The following SUFU variants were observed in gnomAD, a reference collection of about 807,000 sequenced individuals.
SUFU encodes the protein suppressor of fused homolog.
Under a neutral mutation model 58.9 loss-of-function variants are expected in SUFU, and 7 were observed. The observed-to-expected ratio is 0.12, with a 90% CI of 0.07 to 0.22. The LOEUF (loss-of-function observed/expected upper bound fraction) is 0.22, where lower values mean the gene tolerates loss of function less well. SUFU is among the 10% of genes least tolerant of loss of function. The probability of loss-of-function intolerance (pLI) is 1.00; values close to 1 mark genes in which losing one functional copy is unlikely to be tolerated. For synonymous variants in SUFU, 232 were observed against 254.8 expected, an observed-to-expected ratio of 0.91 and a Z score of 0.85; for missense variants, 451 against 641.3, an observed-to-expected ratio of 0.70 and a Z score of 3.20.
chr10:102,586,876 GC>G (rs1288126625), intron 3 of SUFU, among the ~76,000 whole-genome samples: 6 of 152,188 alleles, frequency 3.9e-5, no homozygotes, highest in Non-Finnish European at 7.4e-5. Flanking sequence ...TTCTCCCCCA[GC>G]CTCTGACAAC....
At chr10:102,620,051 G>A (rs763323977) in intron 10 of SUFU, among the ~76,000 whole-genome samples, 53 of 152,244 alleles carry the variant, frequency 3.5e-4, no homozygotes, top group Non-Finnish European at 6.8e-4. Flanking sequence ...CCTATTGGAG[G>A]CAGAGGAGTA....
At chr10:102,589,772 C>G (rs973325840) in intron 3 of SUFU, among the ~76,000 whole-genome samples, 3 of 151,956 alleles carry the variant, frequency 2.0e-5, no homozygotes, top group African/African-American at 4.8e-5. Context: ...TTTTTCTTGC[C>G]TAATTGTCCT....
At chr10:102,518,966 C>T (rs1418000948) in intron 2 of SUFU, among the ~76,000 whole-genome samples, 4 of 150,936 alleles carry the variant, frequency 2.7e-5, no homozygotes, top group East Asian at 2.0e-4. Context: ...CCTGAAACCC[C>T]GTCTCTACTA....
intron 2 of SUFU, among the ~76,000 whole-genome samples, chr10:102,544,070 G>C (rs1365321810): frequency 6.6e-6 from 1 of 152,128 alleles, no homozygotes; most frequent in Non-Finnish European, 1.5e-5. Context: ...CTATACTCCA[G>C]CCTGGGCAGC....
intron 2 of SUFU, among the ~76,000 whole-genome samples, chr10:102,534,570 C>G (rs1564669245): frequency 6.6e-6 from 1 of 152,250 alleles, no homozygotes. Flanking sequence ...CCTCCCTTCG[C>G]CAGACTGTCG....
chr10:102,564,667 T>A (rs1240683459), intron 3 of SUFU, among the ~76,000 whole-genome samples: 1 of 152,196 alleles, frequency 6.6e-6, no homozygotes, highest in African/African-American at 2.4e-5. Context: ...CTAAGCTGCC[T>A]ATTGCCCCAG....
At chr10:102,519,096 C>T (rs535965979) in intron 2 of SUFU, among the ~76,000 whole-genome samples, 103 of 141,608 alleles carry the variant, frequency 7.3e-4, no homozygotes, top group Middle Eastern at 4.3e-3. Flanking sequence ...AGTGGAGATG[C>T]GCCACTGCAC....
chr10:102,588,172 G>A (rs947217131), intron 3 of SUFU, among the ~76,000 whole-genome samples: 8 of 152,054 alleles, frequency 5.3e-5, no homozygotes, highest in Non-Finnish European at 1.0e-4. Context: ...CGAGGCACGC[G>A]GATCACGAGG....
At chr10:102,506,386 CTTTT>C (rs574532660) in intron 1 of SUFU, among the ~76,000 whole-genome samples, 1 of 149,346 alleles carries the variant, frequency 6.7e-6, no homozygotes, top group Non-Finnish European at 1.5e-5. Context: ...CTGGTACTTT[CTTTT>C]TTTTTTGAGA....
Position 102,617,533 on chromosome 10 carries a change from T to G in SUFU, c.1296+105T>G. On this transcript the variant is annotated intron_variant, in intron 10 of 11. Transcript: ENST00000369902. The surrounding 1 kb of genome is among the most constrained non-coding windows in gnomAD (Gnocchi z 4.4). ...TTGATGGCACCCCTTCCTGGGGGGC[T>G]GGTCATGAATGCCTCATGGATTCAG... 1 of 1,499,936 alleles carries G rather than the reference T, an allele frequency of 6.7e-7. No homozygotes were observed. Among genetic ancestry groups the G allele is most frequent in the Non-Finnish European group, 9.3e-7 (1 of 1,080,254 alleles). The allele number at this position is 1,499,936 out of a possible 1,614,324, so 92.9% of individuals were successfully genotyped here. A position where few individuals can be genotyped will look rare whatever the true frequency, so the allele number is the denominator to read the frequency against.
chr10:102,554,056 T>C (rs1413772948), intron 3 of SUFU, among the ~76,000 whole-genome samples: 1 of 152,086 alleles, frequency 6.6e-6, no homozygotes, highest in Non-Finnish European at 1.5e-5. Flanking sequence ...GATTGCACCA[T>C]TGCACTCCAG....
At chr10:102,598,904 A>C (rs1371418792) in intron 7 of SUFU, among the ~76,000 whole-genome samples, 1 of 152,166 alleles carries the variant, frequency 6.6e-6, no homozygotes, top group African/African-American at 2.4e-5. Context: ...ATGGAGAGGC[A>C]GAGTTTCCTG....
At chr10:102,518,504 A>T (rs954758195) in intron 2 of SUFU, among the ~76,000 whole-genome samples, 16 of 136,818 alleles carry the variant, frequency 1.2e-4, no homozygotes, top group South Asian at 4.6e-4. Context: ...TATCTATCTA[A>T]CTGTCTGTCT....
intron 2 of SUFU, among the ~76,000 whole-genome samples, chr10:102,519,236 C>T (rs2062516235): frequency 6.7e-6 from 1 of 149,846 alleles, no homozygotes. Context: ...CAAGACTTCA[C>T]CAACCAGGCT....
chr10:102,540,224 C>T (rs1179994445), intron 2 of SUFU, among the ~76,000 whole-genome samples: 1 of 152,138 alleles, frequency 6.6e-6, no homozygotes. Context: ...ATTATCATTG[C>T]TCTTGGAGTG....
chr10:102,596,820 G>A (rs994601786), intron 6 of SUFU, among the ~76,000 whole-genome samples: 10 of 152,146 alleles, frequency 6.6e-5, no homozygotes, highest in Admixed American at 3.3e-4. Flanking sequence ...GCGTGGCGGG[G>A]ACAGGTTTGG....
At chr10:102,627,913 G>T (rs1164981084) in intron 11 of SUFU, among the ~76,000 whole-genome samples, 9 of 152,102 alleles carry the variant, frequency 5.9e-5, no homozygotes, top group African/African-American at 2.2e-4. Flanking sequence ...CCTCATCCTG[G>T]AAAATCCCTT....
chr10:102,504,149 C>T lies in SUFU; in HGVS notation c.-4C>T. ...TTCCCCCAGTGCCTGCCCTACGCAC[C>T]CCGATGGCGGAGCTGCGGCCTAGCG... is the stretch of plus-strand genomic sequence containing the variant. On this transcript the variant is annotated 5_prime_UTR_variant, in exon 1 of 12. Coordinates refer to ENST00000369902, the MANE Select transcript of SUFU (RefSeq NM_016169.4). The T allele has an allele frequency of 1.3e-6, 2 of 1,542,020 alleles. No individual in the cohort carries two copies. The highest frequency in any genetic ancestry group is 1.7e-6 in the Non-Finnish European group (2 of 1,145,808).
Position 102,594,304 on chromosome 10 carries a change from T to C in SUFU, c.756+239T>C, listed in dbSNP as rs1038236397. Among the ~76,000 whole-genome samples, 3 of 152,210 alleles carry C rather than the reference T, an allele frequency of 2.0e-5. No individual in the cohort carries two copies. The East Asian group carries it at 5.8e-4, about 29-fold the overall frequency. ...ATTTTAAAAGGATATTTTTATTGTA[T>C]GTAAATTATATATTGGCTTAAAAAA... On this transcript the variant is annotated intron_variant, in intron 6 of 11. Transcript: ENST00000369902.
Sources: gnomAD v4.1 joint callset for allele counts (sites outside exome capture counted in the v4.1 genomes callset) on GRCh38, gnomAD v4.1.1 for gene constraint, Gnocchi (gnomAD v3.1) non-coding constraint, MANE v1.5 for transcripts, NCBI Gene and HGNC (gene_info 2026-07-23, HGNC 2026-07-21) for gene names.